Variants in ELOVL7 observed in about 807,000 individuals in gnomAD.
ELOVL7 encodes ELOVL fatty acid elongase 7.
In ELOVL7, 27 loss-of-function variants were observed where a neutral mutation model predicts 35.7. The ratio of observed to expected loss-of-function variants is 0.76; its 90% CI spans 0.56 to 1.04. The LOEUF (loss-of-function observed/expected upper bound fraction) is 1.04. Among genes scored for constraint, ELOVL7 ranks in the 50% least tolerant of loss-of-function variants. The probability of loss-of-function intolerance (pLI) is 0.00; values close to 1 mark genes in which losing one functional copy is unlikely to be tolerated. For synonymous variants in ELOVL7, 113 were observed against 114.6 expected, an observed-to-expected ratio of 0.99 and a Z score of 0.09; for missense variants, 327 against 340.8, an observed-to-expected ratio of 0.96 and a Z score of 0.32.
chr5:60,769,309 C>T (rs142322769), intron 4 of ELOVL7, among the ~76,000 whole-genome samples: 1,628 of 152,334 alleles, frequency 0.011, 21 homozygotes, highest in Non-Finnish European at 0.017. Flanking sequence ...TAATGTAACG[C>T]TCTGTGGCCA....
intron 1 of ELOVL7, among the ~76,000 whole-genome samples, chr5:60,823,045 G>A (rs137940758): frequency 0.012 from 1,822 of 152,324 alleles, 21 homozygotes; most frequent in South Asian, 0.042. Flanking sequence ...AAGCCTGGTG[G>A]TGAAGTCTAG....
intron 5 of ELOVL7, among the ~76,000 whole-genome samples, chr5:60,767,474 G>A (rs1418111589): frequency 2.0e-5 from 3 of 152,192 alleles, no homozygotes; most frequent in Non-Finnish European, 4.4e-5. Flanking sequence ...CTGTAAACAT[G>A]AGTATACAAA....
intron 2 of ELOVL7, among the ~76,000 whole-genome samples, chr5:60,795,082 A>G (rs932233568): frequency 3.9e-5 from 6 of 152,216 alleles, no homozygotes; most frequent in Non-Finnish European, 7.3e-5. Context: ...CAAATGCAGA[A>G]GCTGTTGAGC....
At chr5:60,810,209 T>C (rs1435899332) in intron 1 of ELOVL7, among the ~76,000 whole-genome samples, 6 of 152,138 alleles carry the variant, frequency 3.9e-5, no homozygotes, top group Non-Finnish European at 5.9e-5. Flanking sequence ...AGGAAAACAT[T>C]TGTGGGCAGA....
chr5:60,807,524 T>C (rs1012468945), intron 1 of ELOVL7, among the ~76,000 whole-genome samples: 6 of 65,810 alleles, frequency 9.1e-5, no homozygotes, highest in African/African-American at 3.7e-4. Flanking sequence ...CTAATATTCA[T>C]TTGATGAAAA....
intron 2 of ELOVL7, among the ~76,000 whole-genome samples, chr5:60,789,691 A>G (rs748563966): frequency 1.3e-5 from 2 of 152,220 alleles, no homozygotes; most frequent in Non-Finnish European, 2.9e-5. Flanking sequence ...GTAAGAGCAA[A>G]AGACTGGAAA....
At position 60,754,651 on chromosome 5, in the gene ELOVL7, A is replaced by G. The variant is rs199894689; in HGVS notation, c.819T>C (p.Asn273=). ...KGQRLPKTVK[N]GTCKNKDN ...AATTATCTTTGTTTTTGCAAGTTCC[A>G]TTTTTCACAGTTTTGGGCAACCTCT... is the stretch of plus-strand genomic sequence containing the variant. Residue 273 remains asparagine, a synonymous_variant, in exon 9 of 9, where the codon AAT becomes AAC. Transcript: ENST00000508821. 72 of 1,614,110 alleles carry G rather than the reference A, an allele frequency of 4.5e-5. No homozygotes were observed. The East Asian group carries it at 1.0e-3, about 23-fold the overall frequency.
intron 7 of ELOVL7, among the ~76,000 whole-genome samples, chr5:60,760,309 T>C (rs1180334965): frequency 6.6e-6 from 1 of 152,238 alleles, no homozygotes; most frequent in African/African-American, 2.4e-5. Flanking sequence ...TGTTGTTTCC[T>C]GACCTTTTAA....
intron 1 of ELOVL7, among the ~76,000 whole-genome samples, chr5:60,831,281 G>A (rs1400596465): frequency 1.3e-5 from 2 of 152,160 alleles, no homozygotes; most frequent in Middle Eastern, 3.4e-3. Flanking sequence ...ATCATTAAAG[G>A]CCAATCCTTT....
chr5:60,801,702 C>CA (rs1277550364), intron 1 of ELOVL7, among the ~76,000 whole-genome samples: 29 of 145,518 alleles, frequency 2.0e-4, no homozygotes, highest in Admixed American at 3.4e-4. Context: ...GATCCTGTCT[C>CA]AAAAAAAAAG....
intron 3 of ELOVL7, among the ~76,000 whole-genome samples, chr5:60,783,488 G>C (rs1332908580): frequency 6.6e-6 from 1 of 152,150 alleles, no homozygotes; most frequent in Non-Finnish European, 1.5e-5. Context: ...GTAAGGTAGT[G>C]GGCATGTTAC....
At chr5:60,820,836 T>TCC (rs1314786723) in intron 1 of ELOVL7, among the ~76,000 whole-genome samples, 1 of 152,074 alleles carries the variant, frequency 6.6e-6, no homozygotes, top group African/African-American at 2.4e-5. Context: ...CTCCACTTCC[T>TCC]CCCCTCAACC....
intron 2 of ELOVL7, among the ~76,000 whole-genome samples, chr5:60,794,083 G>T (rs1445222112): frequency 2.6e-5 from 4 of 152,176 alleles, no homozygotes; most frequent in Non-Finnish European, 5.9e-5. Context: ...CAGGAGTAGA[G>T]TAAACAGGAG....
intron 3 of ELOVL7, chr5:60,783,960 A>G (rs1743412250): frequency 3.5e-6 from 2 of 570,646 alleles, no homozygotes; most frequent in Admixed American, 2.3e-5. Context: ...TGATAGAAGC[A>G]GAGGATGGGA....
intron 3 of ELOVL7, among the ~76,000 whole-genome samples, chr5:60,778,129 C>T (rs988234277): frequency 4.6e-5 from 7 of 152,186 alleles, no homozygotes; most frequent in African/African-American, 1.7e-4. Context: ...ATTGGTTCCC[C>T]TCCTTGCTTT....
chr5:60,798,721 G>T (rs987962790), intron 2 of ELOVL7, among the ~76,000 whole-genome samples: 7 of 152,120 alleles, frequency 4.6e-5, no homozygotes, highest in African/African-American at 1.7e-4. Flanking sequence ...AAGATTAATA[G>T]ATCTGAAAAG....
intron 2 of ELOVL7, among the ~76,000 whole-genome samples, chr5:60,795,350 G>C (rs773756753): frequency 6.6e-6 from 1 of 152,156 alleles, no homozygotes; most frequent in Non-Finnish European, 1.5e-5. Flanking sequence ...CACACCCAAC[G>C]AATCAGGTAG....
At chr5:60,834,146 TA>T (rs1298197126) in intron 1 of ELOVL7, among the ~76,000 whole-genome samples, 3 of 152,142 alleles carry the variant, frequency 2.0e-5, no homozygotes, top group Admixed American at 1.3e-4. Flanking sequence ...TGGTTCACAT[TA>T]TTTTTTTTTT....
chr5:60,757,609 G>C lies in ELOVL7; in HGVS notation c.536C>G (p.Ala179Gly). The C allele has an allele frequency of 6.2e-7, 1 of 1,610,564 alleles. No homozygotes were observed. Among genetic ancestry groups the C allele is most frequent in the African/African-American group, 1.3e-5 (1 of 74,986 alleles). The change falls in exon 8 of 9, where the codon GCT becomes GGT. Residue 179 changes from alanine to glycine, a missense_variant. Ala to Gly is a moderately conservative substitution (Grantham distance 60, BLOSUM62 0). Transcript: ENST00000508821. ...GTAGGAATACATGACTACATGTACA[G>C]CTGTATTTAGAAGGGCATGGAATGT... The part of the protein sequence containing the change: ...LGTFHALLNT[A>G]VHVVMYSYYG...
Sources: allele counts gnomAD v4.1 joint callset (sites outside exome capture counted in the v4.1 genomes callset), GRCh38; gene constraint gnomAD v4.1.1; transcripts MANE v1.5; gene names NCBI Gene and HGNC (gene_info 2026-07-23, HGNC 2026-07-21).